ZBTB7C: variants seen among roughly 807,000 people sequenced by gnomAD.
The protein encoded by ZBTB7C is zinc finger and BTB domain containing 7C.
A neutral mutation model predicts 25.7 loss-of-function variants in ZBTB7C; 8 were observed. The observed-to-expected ratio is 0.31, with a 90% CI of 0.18 to 0.56. The LOEUF is 0.56. Ranked by LOEUF, ZBTB7C falls within the 20% of genes least tolerant of loss-of-function variation. The pLI is 0.91. For missense variants in ZBTB7C, 824 were observed against 855.2 expected (o/e 0.96, Z 0.46); for synonymous variants, 394 against 369.0 (o/e 1.07, Z -0.78).
At chr18:48,112,260 C>CTTTTTT (rs1048802422) in intron 3 of ZBTB7C, among the ~76,000 whole-genome samples, 1 of 120,052 alleles carries the variant, frequency 8.3e-6, no homozygotes, top group Non-Finnish European at 1.8e-5. Context: ...TAATTTTTTT[C>CTTTTTT]TTTTTTTTTT....
intron 3 of ZBTB7C, chr18:48,150,930 A>G (rs4289063): frequency 0.87 from 131,946 of 152,196 alleles, 57,504 homozygotes; most frequent in African/African-American, 0.94. Context: ...ATCCTCTGCC[A>G]GAATCTCCTG....
At chr18:48,032,427 T>G (rs2035796342) in intron 4 of ZBTB7C, among the ~76,000 whole-genome samples, 1 of 109,536 alleles carries the variant, frequency 9.1e-6, no homozygotes, top group African/African-American at 4.1e-5. Flanking sequence ...GGTAGGTTTT[T>G]TTTTTTTTTT....
At chr18:48,348,085 C>A (rs2046782114) in intron 1 of ZBTB7C, among the ~76,000 whole-genome samples, 1 of 152,236 alleles carries the variant, frequency 6.6e-6, no homozygotes, top group African/African-American at 2.4e-5. Flanking sequence ...AAGAGCCAGG[C>A]ATTTTCCAAG....
chr18:48,342,494 A>T (rs1022944519), intron 1 of ZBTB7C, among the ~76,000 whole-genome samples: 1 of 151,992 alleles, frequency 6.6e-6, no homozygotes, highest in Admixed American at 6.6e-5. Flanking sequence ...CATCGCCCGA[A>T]CCCCTCCCTG....
At chr18:48,265,155 G>A (rs993794848) in intron 2 of ZBTB7C, among the ~76,000 whole-genome samples, 2 of 152,148 alleles carry the variant, frequency 1.3e-5, no homozygotes, top group African/African-American at 4.8e-5. Context: ...ATCCTGTTAG[G>A]TTTGTTTGGC....
chr18:48,221,354 C>T (rs540610721), intron 2 of ZBTB7C, among the ~76,000 whole-genome samples: 23 of 139,792 alleles, frequency 1.6e-4, no homozygotes, highest in African/African-American at 5.6e-4. Context: ...GTCTCCTCTA[C>T]GCTGTCCCTA....
chr18:48,280,215 T>C (rs1046056918), intron 2 of ZBTB7C, among the ~76,000 whole-genome samples: 1 of 152,024 alleles, frequency 6.6e-6, no homozygotes, highest in African/African-American at 2.4e-5. Context: ...AAAGGTACCA[T>C]GGAGGCTGGA....
chr18:48,357,977 C>T (rs1271480502), intron 1 of ZBTB7C, among the ~76,000 whole-genome samples: 4 of 152,162 alleles, frequency 2.6e-5, no homozygotes, highest in South Asian at 2.1e-4. Context: ...GGGCAGATCC[C>T]GCATGAATGG....
intron 2 of ZBTB7C, among the ~76,000 whole-genome samples, chr18:48,290,869 G>C (rs2045208113): frequency 6.6e-6 from 1 of 152,234 alleles, no homozygotes; most frequent in South Asian, 2.1e-4. Context: ...TATGTGCTGC[G>C]GAGACAGTGA....
chr18:48,200,764 CA>C (rs1243763162), intron 2 of ZBTB7C, among the ~76,000 whole-genome samples: 3 of 152,240 alleles, frequency 2.0e-5, no homozygotes, highest in African/African-American at 7.2e-5. Flanking sequence ...CTCCACACAA[CA>C]GCATCTAAAC....
At chr18:48,408,176 C>T (rs2048325705) in intron 1 of ZBTB7C, among the ~76,000 whole-genome samples, 1 of 152,208 alleles carries the variant, frequency 6.6e-6, no homozygotes, top group African/African-American at 2.4e-5. Context: ...GCCCGCGCCG[C>T]GGAAGGTTGG....
chr18:48,320,012 G>A (rs1262712370), intron 2 of ZBTB7C, among the ~76,000 whole-genome samples: 1 of 152,088 alleles, frequency 6.6e-6, no homozygotes. Flanking sequence ...TCCAGTGCAG[G>A]GAGATGAGTA....
chr18:48,247,383 C>A (rs1449792616), intron 2 of ZBTB7C, among the ~76,000 whole-genome samples: 1 of 152,172 alleles, frequency 6.6e-6, no homozygotes, highest in Admixed American at 6.5e-5. Context: ...ACAAAAATAT[C>A]TCCTGTATAT....
chr18:48,327,726 C>T (rs1048672903), intron 2 of ZBTB7C, among the ~76,000 whole-genome samples: 30 of 152,126 alleles, frequency 2.0e-4, no homozygotes, highest in African/African-American at 6.3e-4. Flanking sequence ...TCTTCCCCTC[C>T]GTCTCTTCTC....
At chr18:48,189,733 G>A (rs2042148014) in intron 2 of ZBTB7C, among the ~76,000 whole-genome samples, 1 of 152,142 alleles carries the variant, frequency 6.6e-6, no homozygotes, top group African/African-American at 2.4e-5. Context: ...GCCCTGACCT[G>A]GGTGCTCTCA....
chr18:48,084,629 T>A (rs1277912457), intron 3 of ZBTB7C, among the ~76,000 whole-genome samples: 1 of 152,154 alleles, frequency 6.6e-6, no homozygotes, highest in Admixed American at 6.5e-5. Context: ...CTGGCCCCCG[T>A]GGCTGGTGTT....
intron 3 of ZBTB7C, among the ~76,000 whole-genome samples, chr18:48,048,084 G>C (rs1049566088): frequency 6.6e-6 from 1 of 152,174 alleles, no homozygotes; most frequent in African/African-American, 2.4e-5. Context: ...TCTTAGTCTA[G>C]GGGTTTAATC....
intron 2 of ZBTB7C, among the ~76,000 whole-genome samples, chr18:48,234,811 A>G (rs1474527353): frequency 2.0e-5 from 3 of 152,180 alleles, no homozygotes; most frequent in Non-Finnish European, 2.9e-5. Context: ...CCTGCTCATG[A>G]GGGTGGATTT....
At chr18:48,081,211 C>A (rs747236137) in intron 3 of ZBTB7C, among the ~76,000 whole-genome samples, 1 of 152,210 alleles carries the variant, frequency 6.6e-6, no homozygotes, top group African/African-American at 2.4e-5. Context: ...AGACAGTCAA[C>A]AGCCAAACTT....
Sources: allele counts gnomAD v4.1 joint callset (sites outside exome capture counted in the v4.1 genomes callset), GRCh38; gene constraint gnomAD v4.1.1; transcripts MANE v1.5; gene names NCBI Gene and HGNC (gene_info 2026-07-23, HGNC 2026-07-21).